Variants in NHSL3 observed in about 807,000 individuals in gnomAD.
NHSL3 encodes the protein NHS-like protein 3.
the NHSL3 span, among the ~76,000 whole-genome samples, chr1:32,743,976 T>C: frequency 6.6e-6 from 1 of 152,196 alleles, no homozygotes; most frequent in East Asian, 1.9e-4. Context: ...AACTGTTTCC[T>C]TGTCACCTGC....
the NHSL3 span, among the ~76,000 whole-genome samples, chr1:32,752,744 AT>A: frequency 5.9e-5 from 9 of 151,678 alleles, no homozygotes; most frequent in Non-Finnish European, 8.8e-5. Context: ...CGCCTGGCTA[AT>A]GTTTTGTGTT....
At chr1:32,742,158 C>G in the NHSL3 span, 1 of 1,245,398 alleles carries the variant, frequency 8.0e-7, no homozygotes, top group Non-Finnish European at 1.0e-6. Context: ...AGGCGGAGGA[C>G]AAGGCCAAGA....
the NHSL3 span, among the ~76,000 whole-genome samples, chr1:32,767,289 T>C: frequency 1.3e-5 from 2 of 152,178 alleles, no homozygotes; most frequent in African/African-American, 2.4e-5. Context: ...GGGATGTTTT[T>C]TGTGGGGCTC....
At chr1:32,767,757 C>T in the NHSL3 span, 74 of 1,580,956 alleles carry the variant, frequency 4.7e-5, 3 homozygotes, top group South Asian at 8.4e-4. Flanking sequence ...ATGCCTTTAC[C>T]TCATTTCCCT....
the NHSL3 span, among the ~76,000 whole-genome samples, chr1:32,766,654 C>G: frequency 6.6e-6 from 1 of 152,194 alleles, no homozygotes; most frequent in Non-Finnish European, 1.5e-5. Context: ...GAACTGAAGA[C>G]CCTGCTCCTG....
the NHSL3 span, among the ~76,000 whole-genome samples, chr1:32,765,150 T>C: frequency 6.6e-6 from 1 of 152,246 alleles, no homozygotes; most frequent in Non-Finnish European, 1.5e-5. Flanking sequence ...TGAGGGGCTG[T>C]ACTGCCAGCC....
the NHSL3 span, chr1:32,769,941 A>T: frequency 6.2e-7 from 1 of 1,607,402 alleles, no homozygotes; most frequent in Non-Finnish European, 8.5e-7. Context: ...GGGATGCCGT[A>T]CGCATCCCCA....
At chr1:32,745,622 A>T in the NHSL3 span, among the ~76,000 whole-genome samples, 4 of 151,602 alleles carry the variant, frequency 2.6e-5, no homozygotes. Flanking sequence ...AAGCTACAAG[A>T]TGCTGGCAGG....
the NHSL3 span, chr1:32,773,073 C>T: frequency 1.8e-5 from 11 of 622,624 alleles, no homozygotes; most frequent in Middle Eastern, 3.4e-4. Flanking sequence ...AGTCATCCTG[C>T]GCTCATGCCT....
chr1:32,770,262 G>A, the NHSL3 span: 61 of 1,603,574 alleles, frequency 3.8e-5, no homozygotes, highest in African/African-American at 6.7e-5. The surrounding 1 kb of genome is among the most constrained non-coding windows in gnomAD (Gnocchi z 8.3). Flanking sequence ...CTGTGCTGCC[G>A]CCTACAGTGG....
chr1:32,759,713 A>G, the NHSL3 span, among the ~76,000 whole-genome samples: 1 of 152,106 alleles, frequency 6.6e-6, no homozygotes, highest in Non-Finnish European at 1.5e-5. Context: ...TTGGGCAGAG[A>G]TTGAGGTCGT....
At chr1:32,748,338 A>G in the NHSL3 span, among the ~76,000 whole-genome samples, 5 of 152,076 alleles carry the variant, frequency 3.3e-5, no homozygotes, top group African/African-American at 1.2e-4. Context: ...ATTATGAACA[A>G]TGTCATTTCT....
the NHSL3 span, chr1:32,770,671 C>T: frequency 6.6e-7 from 1 of 1,526,294 alleles, no homozygotes; most frequent in Non-Finnish European, 8.8e-7. This position sits in a 1 kb window ranked among gnomAD's most constrained non-coding sequence, Gnocchi z 8.3. Flanking sequence ...GAAGCGGCCT[C>T]CACCCCCTCC....
At chr1:32,756,125 A>C in the NHSL3 span, among the ~76,000 whole-genome samples, 1 of 152,220 alleles carries the variant, frequency 6.6e-6, no homozygotes. Context: ...TCTGAAAAAA[A>C]TTAGAAAGCA....
At chr1:32,753,378 G>A in the NHSL3 span, among the ~76,000 whole-genome samples, 1 of 151,798 alleles carries the variant, frequency 6.6e-6, no homozygotes, top group Non-Finnish European at 1.5e-5. Context: ...CCAGCTACTC[G>A]GGAGGCTGAG....
chr1:32,769,684 C>T, the NHSL3 span: 2 of 1,612,664 alleles, frequency 1.2e-6, no homozygotes, highest in Non-Finnish European at 1.7e-6. Context: ...CTCCACCTTC[C>T]GACCCCATGA....
At chr1:32,766,814 C>T in the NHSL3 span, among the ~76,000 whole-genome samples, 1 of 152,172 alleles carries the variant, frequency 6.6e-6, no homozygotes, top group Non-Finnish European at 1.5e-5. Flanking sequence ...GCCCCCCATC[C>T]CCAGGATTAG....
the NHSL3 span, chr1:32,771,902 C>T: frequency 6.3e-7 from 1 of 1,591,014 alleles, no homozygotes; most frequent in Non-Finnish European, 8.6e-7. Flanking sequence ...CCATCGGCCC[C>T]CCAGAAACCA....
At chr1:32,742,361 C>T in the NHSL3 span, among the ~76,000 whole-genome samples, 1 of 152,222 alleles carries the variant, frequency 6.6e-6, no homozygotes, top group African/African-American at 2.4e-5. Context: ...GCGCTGCCTT[C>T]CGCAGTTTCC....
Sources: gnomAD v4.1 joint callset for allele counts (sites outside exome capture counted in the v4.1 genomes callset) on GRCh38, gnomAD v4.1.1 for gene constraint, Gnocchi (gnomAD v3.1) non-coding constraint, MANE v1.5 for transcripts, NCBI Gene and HGNC (gene_info 2026-07-23, HGNC 2026-07-21) for gene names.